Variants in KMT2C observed in about 807,000 individuals in gnomAD.
KMT2C encodes lysine methyltransferase 2C, also known as histone-lysine N-methyltransferase 2C.
A neutral mutation model predicts 507.9 loss-of-function variants in KMT2C; 88 were observed. The observed-to-expected ratio is 0.17, with a 90% CI of 0.15 to 0.21. The LOEUF is 0.21. Among genes scored for constraint, KMT2C ranks in the 10% least tolerant of loss-of-function variants. The pLI, the probability that KMT2C is intolerant of heterozygous loss-of-function variation, is 1.00. For missense variants in KMT2C, 4,954 were observed against 5,957.8 expected (o/e 0.83, Z 5.55); for synonymous variants, 2,049 against 2,080.8 (o/e 0.98, Z 0.42).
chr7:152,413,205 C>T (rs2116683834), intron 1 of KMT2C, among the ~76,000 whole-genome samples: 1 of 152,290 alleles, frequency 6.6e-6, no homozygotes, highest in East Asian at 1.9e-4. Context: ...GCCTCGACCT[C>T]CTGGGTTCAC....
At chr7:152,391,024 A>G (rs1158929935) in intron 1 of KMT2C, among the ~76,000 whole-genome samples, 1 of 150,334 alleles carries the variant, frequency 6.7e-6, no homozygotes, top group Non-Finnish European at 1.5e-5. Context: ...AGGCGCCTGT[A>G]ATCCCAGCTA....
rs1283121177 is a variant in KMT2C, at chr7:152,194,041, G to A, written c.4628C>T (p.Pro1543Leu). ...GTGTATTGGCAACAGCTGTGTTGGTGGGGGAGGCTGTGGCAATGGAGTTGG... is the reference window on the plus strand; with the variant it reads ...GTGTATTGGCAACAGCTGTGTTGGTAGGGGAGGCTGTGGCAATGGAGTTGG... Reference protein sequence around the residue: ...TQPTPLPQPPPPTQLLPIHNQ... With the variant: ...TQPTPLPQPPLPTQLLPIHNQ... Residue 1543 changes from proline (P) to leucine (L), a missense_variant, in exon 31 of 59, where the codon CCA becomes CTA. Physicochemically the swap from Pro to Leu is moderately conservative, Grantham distance 98 (BLOSUM62 -3). Coordinates refer to ENST00000262189, the MANE Select transcript of KMT2C (RefSeq NM_170606.3). The A allele has an allele frequency of 2.5e-6, 4 of 1,584,634 alleles. No homozygotes were observed. The highest frequency in any genetic ancestry group is 2.6e-6 in the Non-Finnish European group (3 of 1,170,532).
intron 26 of KMT2C, 62 bp downstream of exon 26, chr7:152,202,872 C>T (rs1376958187): frequency 7.6e-7 from 1 of 1,312,420 alleles, no homozygotes; most frequent in African/African-American, 1.5e-5. Flanking sequence ...TGTTTTAAAA[C>T]TCAATACATT....
chr7:152,181,904 G>A lies in KMT2C; in HGVS notation c.5956C>T (p.Arg1986Trp), dbSNP rs373888319. The A allele has an allele frequency of 6.8e-6, 11 of 1,614,072 alleles. No individual in the cohort carries two copies. Among genetic ancestry groups the A allele is most frequent in the Admixed American group, 1.7e-5 (1 of 60,010 alleles). ...DQFPKSLGLS[R>W]SPVVSEQTAK... The stretch of plus-strand genomic sequence containing the variant: ...GTTTGTTCTGAAACTACAGGAGACC[G>A]GGATAGGCCCAAGGATTTGGGAAAT... The change falls in exon 36 of 59, where the codon CGG (arginine) becomes TGG (tryptophan). Residue 1986 changes from arginine (R) to tryptophan (W), a missense_variant. By Grantham distance (101) the Arg-to-Trp change is moderately radical. Around this residue, in one of 29 missense-constraint regions of KMT2C, gnomAD observed 1,689 missense variants for 1,654.3 expected, o/e 1.02. Transcript: ENST00000262189.
Position 152,187,442 on chromosome 7 carries a change from C to G in KMT2C, c.4828G>C (p.Asp1610His), listed in dbSNP as rs2129124755. Residue 1610 changes from aspartate (D) to histidine (H), a missense_variant, in exon 33 of 59, where the codon GAT becomes CAT. Transcript: ENST00000262189. ...KNSAFNPMASDPNNSWTSSAP... is the reference protein window; with the variant it reads ...KNSAFNPMASHPNNSWTSSAP... The stretch of plus-strand genomic sequence containing the variant: ...GATGATGTCCAAGAGTTGTTAGGAT[C>G]ACTTGCCATTGGATTAAAGGCTGAA... 1 of 1,614,042 alleles carries G rather than the reference C, an allele frequency of 6.2e-7. No homozygotes were observed. Among genetic ancestry groups the G allele is most frequent in the Non-Finnish European group, 8.5e-7 (1 of 1,179,962 alleles).
intron 20 of KMT2C, 62 bp downstream of exon 20, chr7:152,223,953 T>G (rs1020416661): frequency 9.6e-6 from 8 of 835,600 alleles, no homozygotes; most frequent in East Asian, 7.5e-5. Flanking sequence ...TTTCCATTTG[T>G]TTTTTTTTTT....
intron 1 of KMT2C, among the ~76,000 whole-genome samples, chr7:152,388,545 G>A (rs963809186): frequency 2.1e-4 from 32 of 151,934 alleles, no homozygotes; most frequent in South Asian, 2.1e-4. Context: ...GCGACAGAGC[G>A]AGACTGTCTC....
At chr7:152,162,079 A>G in intron 43 of KMT2C, 38 bp downstream of exon 43, 1 of 1,497,268 alleles carries the variant, frequency 6.7e-7, no homozygotes, top group Non-Finnish European at 8.9e-7. Flanking sequence ...AATTTAAAAC[A>G]AAAGAAAAAA....
In KMT2C at chr7:152,205,514, G is replaced by T. The variant is rs531216189; in HGVS notation, c.3842-289C>A. ...GTGTAAATATCAAACACTAAATTAC[G>T]CTGGCTTATCTATTTGACAAATATT... On this transcript the variant is annotated intron_variant, in intron 24 of 58. Transcript: ENST00000262189. Among the ~76,000 whole-genome samples, 75 of 151,210 alleles carry T rather than the reference G, an allele frequency of 5.0e-4. 1 individual carries two copies. The East Asian group carries it at 0.014, about 29-fold the overall frequency.
Position 152,176,286 on chromosome 7 carries a change from T to A in KMT2C, c.9167A>T (p.Gln3056Leu). 1 of 1,614,180 alleles carries A rather than the reference T, an allele frequency of 6.2e-7. No individual in the cohort carries two copies. The highest frequency in any genetic ancestry group is 8.5e-7 in the Non-Finnish European group (1 of 1,180,028). ...TTGCCTTTCTTGATCCAAAAGATCC[T>A]GTAGAAGTAGAGGCTGTTCTTCTAG... ...LLLEEQPLLLQDLLDQERQEQ... is the reference protein window; with the variant it reads ...LLLEEQPLLLLDLLDQERQEQ... The change falls in exon 38 of 59, where the codon CAG becomes CTG. Residue 3056 changes from glutamine to leucine, a missense_variant. By Grantham distance (113) the Gln-to-Leu change is moderately radical (BLOSUM62 -2). Transcript: ENST00000262189.
chr7:152,149,919 A>G (rs1215543141), intron 51 of KMT2C, among the ~76,000 whole-genome samples: 6 of 151,100 alleles, frequency 4.0e-5, no homozygotes, highest in African/African-American at 1.5e-4. Context: ...CTATCTGGTG[A>G]AAAAAAAAAT....
chr7:152,175,316 T>C (rs1403164722), intron 38 of KMT2C, among the ~76,000 whole-genome samples: 1 of 151,984 alleles, frequency 6.6e-6, no homozygotes, highest in Non-Finnish European at 1.5e-5. Flanking sequence ...CAGCTAATTT[T>C]TTGTTATTTT....
intron 7 of KMT2C, among the ~76,000 whole-genome samples, chr7:152,267,464 A>C (rs751031865): frequency 2.9e-4 from 44 of 152,222 alleles, no homozygotes; most frequent in South Asian, 6.2e-4. Flanking sequence ...GCCAGATCCC[A>C]ATTCTTATGT....
chr7:152,272,341 TACA>T (rs1221556795), intron 7 of KMT2C, among the ~76,000 whole-genome samples: 2 of 152,202 alleles, frequency 1.3e-5, no homozygotes, highest in Non-Finnish European at 2.9e-5. Context: ...ATTCTAACAC[TACA>T]ACAACATTCT....
chr7:152,391,791 G>A (rs191022494), intron 1 of KMT2C, among the ~76,000 whole-genome samples: 5 of 152,204 alleles, frequency 3.3e-5, no homozygotes, highest in African/African-American at 4.8e-5. Context: ...GATTACAGGC[G>A]TGAGCCACTG....
At chr7:152,213,088 G>A (rs991109666) in intron 23 of KMT2C, among the ~76,000 whole-genome samples, 2 of 152,100 alleles carry the variant, frequency 1.3e-5, no homozygotes, top group Admixed American at 6.5e-5. Context: ...TAAATATAAC[G>A]ATATCCCCAT....
At chr7:152,300,647 A>AAG (rs2096557802) in intron 6 of KMT2C, among the ~76,000 whole-genome samples, 1 of 152,212 alleles carries the variant, frequency 6.6e-6, no homozygotes, top group Admixed American at 6.5e-5. Flanking sequence ...CTTAGCCATT[A>AAG]CAACCCTAAG....
intron 6 of KMT2C, among the ~76,000 whole-genome samples, chr7:152,275,168 C>T (rs2096059199): frequency 6.6e-6 from 1 of 152,210 alleles, no homozygotes; most frequent in Non-Finnish European, 1.5e-5. Flanking sequence ...CTCTTCCTCA[C>T]TGTCATCAGT....
intron 1 of KMT2C, chr7:152,368,665 C>G: frequency 1.4e-6 from 2 of 1,448,150 alleles, no homozygotes; most frequent in Non-Finnish European, 1.9e-6. Context: ...CTTTTAAACT[C>G]TCTATTGACC....
Sources: allele counts gnomAD v4.1 joint callset (sites outside exome capture counted in the v4.1 genomes callset), GRCh38; gene constraint gnomAD v4.1.1; regional missense constraint gnomAD v4.1.1; transcripts MANE v1.5; gene names NCBI Gene and HGNC (gene_info 2026-07-23, HGNC 2026-07-21).